Variants in GCLC observed in about 807,000 individuals in gnomAD.
GCLC encodes glutamate-cysteine ligase catalytic subunit.
In GCLC, 30 loss-of-function variants were observed where a neutral mutation model predicts 81.5. That is an observed-to-expected ratio of 0.37 (90% CI 0.28 to 0.50). The LOEUF (loss-of-function observed/expected upper bound fraction) is 0.50, where lower values mean the gene tolerates loss of function less well. Among genes scored for constraint, GCLC ranks in the 20% least tolerant of loss-of-function variants. The pLI, the probability that GCLC is intolerant of heterozygous loss-of-function variation, is 0.96. For synonymous variants in GCLC, 262 were observed against 273.3 expected, an observed-to-expected ratio of 0.96 and a Z score of 0.41; for missense variants, 556 against 777.4, an observed-to-expected ratio of 0.72 and a Z score of 3.39.
chr6:53,533,322 T>C (rs977111131), intron 1 of GCLC, among the ~76,000 whole-genome samples: 13 of 152,322 alleles, frequency 8.5e-5, no homozygotes, highest in African/African-American at 3.1e-4. Context: ...ACACCAACTT[T>C]TGCTATTCTC....
intron 12 of GCLC, among the ~76,000 whole-genome samples, chr6:53,504,561 G>A (rs1460382473): frequency 6.6e-6 from 1 of 152,154 alleles, no homozygotes; most frequent in African/African-American, 2.4e-5. Context: ...GGCAATGTGG[G>A]CCCACAGAGT....
intron 1 of GCLC, among the ~76,000 whole-genome samples, chr6:53,534,485 A>AAAAAAC (rs746214545): frequency 0.039 from 5,447 of 138,772 alleles, 167 homozygotes; most frequent in African/African-American, 0.091. Context: ...ACCAAAAAAC[A>AAAAAAC]AAAAAAAAAA....
intron 3 of GCLC, among the ~76,000 whole-genome samples, chr6:53,519,148 A>G (rs1265632191): frequency 1.3e-5 from 2 of 152,130 alleles, no homozygotes; most frequent in African/African-American, 4.8e-5. Context: ...CAACCTTTCC[A>G]AGGCCTTCAA....
chr6:53,532,847 C>T (rs114030724), intron 1 of GCLC, among the ~76,000 whole-genome samples: 5,434 of 152,124 alleles, frequency 0.036, 164 homozygotes, highest in Middle Eastern at 0.085. Flanking sequence ...GGGGCTCTTT[C>T]GTAGTATTGT....
At chr6:53,509,766 A>G in intron 6 of GCLC, 1 of 172,956 alleles carries the variant, frequency 5.8e-6, no homozygotes. Context: ...CTTCCGCCTC[A>G]GCCTCCCGAG....
chr6:53,531,146 A>G (rs1450342611), intron 1 of GCLC, among the ~76,000 whole-genome samples: 1 of 152,214 alleles, frequency 6.6e-6, no homozygotes, highest in Non-Finnish European at 1.5e-5. Flanking sequence ...CTCAGGGGTT[A>G]GTGGTTACTA....
intron 12 of GCLC, chr6:53,505,123 C>T: frequency 2.4e-6 from 1 of 416,554 alleles, no homozygotes; most frequent in Non-Finnish European, 4.4e-6. Flanking sequence ...CCTCCCCATC[C>T]TAATTTAACA....
chr6:53,526,614 C>T (rs1236766897), intron 1 of GCLC, among the ~76,000 whole-genome samples: 13 of 151,806 alleles, frequency 8.6e-5, no homozygotes, highest in East Asian at 3.9e-4. Flanking sequence ...CTGGCTAACA[C>T]GGTGAAGCCC....
intron 2 of GCLC, among the ~76,000 whole-genome samples, chr6:53,521,592 C>T (rs1035215557): frequency 6.6e-6 from 1 of 152,156 alleles, no homozygotes; most frequent in Non-Finnish European, 1.5e-5. Flanking sequence ...AATGCAGCTT[C>T]CCCAAAACGA....
chr6:53,518,901 C>T lies in GCLC; in HGVS notation c.446+1877G>A, dbSNP rs909340549. Among the ~76,000 whole-genome samples the T allele has an allele frequency of 4.8e-4, 73 of 152,182 alleles. 2 individuals are homozygous for T. The highest frequency in any genetic ancestry group is 2.1e-4 in the South Asian group (1 of 4,828). On this transcript the variant is annotated intron_variant, in intron 3 of 15. Coordinates refer to ENST00000650454, the MANE Select transcript of GCLC (RefSeq NM_001498.4). Reference sequence around the variant, plus strand: ...CTCTTAAGGTTTTCAGGACAATGACCTATAGCAAAAGCCTTGATGTGTCTT... The same window carrying T: ...CTCTTAAGGTTTTCAGGACAATGACTTATAGCAAAAGCCTTGATGTGTCTT...
At position 53,506,868 on chromosome 6, in the gene GCLC, C is replaced by T. The variant is rs752227583; in HGVS notation, c.1197+45G>A. ...TATAAAACAGAGGATTCCAGACTCT[C>T]AGAAGTCAATACATAAATAAATAAA... On this transcript the variant is annotated intron_variant, in intron 10 of 15. Transcript: ENST00000650454. This position sits in a 1 kb window ranked among gnomAD's most constrained non-coding sequence, Gnocchi z 4.0. 3.0e-6 allele frequency: 3 copies of T among 1,011,746 alleles called. No individual in the cohort carries two copies. The highest frequency in any genetic ancestry group is 5.0e-5 in the East Asian group (2 of 39,696). The allele number at this position is 1,011,746 out of a possible 1,614,324, so 62.7% of individuals were successfully genotyped here. A position where few individuals can be genotyped will look rare whatever the true frequency, so the allele number is the denominator to read the frequency against.
chr6:53,516,698 A>G (rs746143377), intron 3 of GCLC, among the ~76,000 whole-genome samples: 2 of 152,096 alleles, frequency 1.3e-5, no homozygotes, highest in East Asian at 3.9e-4. Flanking sequence ...CTGAATCTGG[A>G]AGGAGCCTGT....
chr6:53,519,179 A>T (rs1198506967), intron 3 of GCLC, among the ~76,000 whole-genome samples: 1 of 152,218 alleles, frequency 6.6e-6, no homozygotes, highest in Non-Finnish European at 1.5e-5. Flanking sequence ...GAGAACAACT[A>T]AAATTTATGG....
At chr6:53,514,830 A>C (rs1016993384) in intron 4 of GCLC, among the ~76,000 whole-genome samples, 1 of 152,146 alleles carries the variant, frequency 6.6e-6, no homozygotes, top group South Asian at 2.1e-4. Context: ...ACATGTCCCA[A>C]ATTAACTCCA....
At chr6:53,521,044 G>T in intron 2 of GCLC, 84 bp from the exon 3 acceptor site, 2 of 1,047,866 alleles carry the variant, frequency 1.9e-6, no homozygotes, top group South Asian at 1.3e-5. Context: ...TGCTTTAAAA[G>T]TGTAGAAACC....
At position 53,544,558 on chromosome 6, in the gene GCLC, A is replaced by G. The variant is rs759133225; in HGVS notation, c.88T>C (p.Phe30Leu). Residue 30 changes from phenylalanine to leucine, a missense_variant, in exon 1 of 16, where the codon TTC becomes CTC. Physicochemically the swap from Phe to Leu is conservative, Grantham distance 22. Coordinates refer to ENST00000650454, the MANE Select transcript of GCLC (RefSeq NM_001498.4). ...TTGACGGCGTGGTAGATGTGCAGGAACTGGAGGATCCCGTGCCGCCGCACG... is the reference window on the plus strand; with the variant it reads ...TTGACGGCGTGGTAGATGTGCAGGAGCTGGAGGATCCCGTGCCGCCGCACG... ...DHVRRHGILQ[F>L]LHIYHAVKDR... 6.2e-7 allele frequency: 1 copy of G among 1,608,114 alleles called. No individual in the cohort carries two copies. The highest frequency in any genetic ancestry group is 8.5e-7 in the Non-Finnish European group (1 of 1,179,608).
At chr6:53,522,374 T>A (rs1203790946) in intron 2 of GCLC, 41 bp downstream of exon 2, 2 of 1,116,918 alleles carry the variant, frequency 1.8e-6, no homozygotes, top group Non-Finnish European at 2.8e-6. Flanking sequence ...CTAGAAGTTT[T>A]AGCAGTTTCA....
chr6:53,541,612 G>C (rs1012722876), intron 1 of GCLC, among the ~76,000 whole-genome samples: 9 of 151,372 alleles, frequency 5.9e-5, no homozygotes, highest in Non-Finnish European at 7.4e-5. Flanking sequence ...TTAGTAGGGT[G>C]GGGGGGCGGT....
rs1185360853 is a variant in GCLC, at chr6:53,500,499, C to G, written c.1410G>C (p.Met470Ile). The G allele has an allele frequency of 6.2e-7, 1 of 1,608,858 alleles. No homozygotes were observed. Among genetic ancestry groups the G allele is most frequent in the South Asian group, 1.1e-5 (1 of 90,926 alleles). Residue 470 changes from methionine (M) to isoleucine (I), a missense_variant, in exon 13 of 16, where the codon ATG becomes ATC. This residue lies in a region of GCLC where 313 missense variants were observed against 437.3 expected (regional missense o/e 0.72). Coordinates refer to ENST00000650454, the MANE Select transcript of GCLC (RefSeq NM_001498.4). Reference protein sequence around the residue: ...LIPLSKVDENMKVAQKRDAVL... With the variant: ...LIPLSKVDENIKVAQKRDAVL... ...CAGCATCTCTTTTCTGTGCTACCTT[C>G]ATGTTCTCATCAACCTAAGGGAAAA...
Sources: gnomAD v4.1 joint callset for allele counts (sites outside exome capture counted in the v4.1 genomes callset) on GRCh38, gnomAD v4.1.1 for gene constraint, gnomAD v4.1.1 regional missense constraint, Gnocchi (gnomAD v3.1) non-coding constraint, MANE v1.5 for transcripts, NCBI Gene and HGNC (gene_info 2026-07-23, HGNC 2026-07-21) for gene names.